CSMD3: variants seen among roughly 807,000 people sequenced by gnomAD.
The protein encoded by CSMD3 is CUB and Sushi multiple domains 3, also known as CUB and sushi domain-containing protein 3.
CSMD3 carries 177 observed loss-of-function variants against 435.2 expected under a neutral mutation model. That is an observed-to-expected ratio of 0.41 (90% CI 0.36 to 0.46). CSMD3 has a LOEUF of 0.46. Among genes scored for constraint, CSMD3 ranks in the 20% least tolerant of loss-of-function variants. CSMD3 has a pLI of 0.34. For missense variants in CSMD3, 4,265 were observed against 4,504.6 expected (o/e 0.95, Z 1.52); for synonymous variants, 1,656 against 1,520.5 (o/e 1.09, Z -2.07).
intron 6 of CSMD3, among the ~76,000 whole-genome samples, chr8:112,983,387 C>G (rs113783550): frequency 0.064 from 9,627 of 151,114 alleles, 326 homozygotes; most frequent in African/African-American, 0.072. Flanking sequence ...TATACATAAG[C>G]CTGCTTTTAT....
At chr8:112,976,254 A>G in intron 6 of CSMD3, 106 bp from the exon 7 acceptor site, 1 of 1,328,392 alleles carries the variant, frequency 7.5e-7, no homozygotes, top group Non-Finnish European at 1.0e-6. Flanking sequence ...CTTAAGGATA[A>G]TCAACATGAA....
intron 3 of CSMD3, among the ~76,000 whole-genome samples, chr8:113,210,571 G>A (rs2132075145): frequency 6.6e-6 from 1 of 151,728 alleles, no homozygotes; most frequent in African/African-American, 2.4e-5. Context: ...ACTCTATATA[G>A]GAGAAAATTG....
At chr8:112,449,325 G>A (rs540924488) in intron 32 of CSMD3, among the ~76,000 whole-genome samples, 16 of 152,172 alleles carry the variant, frequency 1.1e-4, no homozygotes, top group African/African-American at 2.4e-4. Context: ...AGCAACCCTC[G>A]CTCTTCTAAT....
chr8:112,453,347 C>T (rs552059504), intron 32 of CSMD3, among the ~76,000 whole-genome samples: 1 of 152,152 alleles, frequency 6.6e-6, no homozygotes, highest in Admixed American at 6.5e-5. Context: ...ATAATATGAT[C>T]ATACACCTAC....
At chr8:113,231,805 T>G (rs2093091035) in intron 3 of CSMD3, among the ~76,000 whole-genome samples, 1 of 151,476 alleles carries the variant, frequency 6.6e-6, no homozygotes, top group Admixed American at 6.6e-5. Context: ...AGGAGTGATA[T>G]TAGAACAACT....
intron 1 of CSMD3, among the ~76,000 whole-genome samples, chr8:113,348,492 T>C (rs930090162): frequency 1.3e-5 from 2 of 152,014 alleles, no homozygotes; most frequent in African/African-American, 4.8e-5. Flanking sequence ...CTCTCTTTAC[T>C]AGGAAACCCA....
At chr8:113,134,223 A>G (rs959189568) in intron 4 of CSMD3, among the ~76,000 whole-genome samples, 1 of 152,042 alleles carries the variant, frequency 6.6e-6, no homozygotes, top group African/African-American at 2.4e-5. Context: ...TCTTTCCAGC[A>G]TTTTGTCACT....
intron 5 of CSMD3, among the ~76,000 whole-genome samples, chr8:113,091,710 G>T (rs2090008557): frequency 9.5e-6 from 1 of 105,558 alleles, no homozygotes; most frequent in African/African-American, 4.6e-5. Context: ...TGCCAATTTT[G>T]TTTAATCTTT....
At chr8:112,967,757 C>G (rs1259053752) in intron 7 of CSMD3, among the ~76,000 whole-genome samples, 1 of 151,404 alleles carries the variant, frequency 6.6e-6, no homozygotes, top group African/African-American at 2.4e-5. Flanking sequence ...AAAGCAGGGT[C>G]TACTAAGTTT....
At chr8:113,361,527 A>T (rs1242875692) in intron 1 of CSMD3, among the ~76,000 whole-genome samples, 1 of 152,102 alleles carries the variant, frequency 6.6e-6, no homozygotes, top group African/African-American at 2.4e-5. Context: ...TGACATATAA[A>T]ACTCACTTCA....
At chr8:113,181,697 C>T (rs2092423934) in intron 3 of CSMD3, among the ~76,000 whole-genome samples, 1 of 151,980 alleles carries the variant, frequency 6.6e-6, no homozygotes, top group Non-Finnish European at 1.5e-5. Context: ...TCGAAGCTAA[C>T]TCTGTTGTAC....
chr8:112,295,804 C>G (rs781096949), intron 54 of CSMD3, 29 bp downstream of exon 54: 2 of 1,604,346 alleles, frequency 1.2e-6, no homozygotes, highest in Non-Finnish European at 1.7e-6. Context: ...GATCAGAGGT[C>G]TCTAATTGCT....
intron 32 of CSMD3, among the ~76,000 whole-genome samples, chr8:112,424,292 T>C (rs1302047541): frequency 1.3e-5 from 2 of 152,200 alleles, no homozygotes; most frequent in African/African-American, 4.8e-5. Context: ...GGTTCCTAGT[T>C]ACCATACCAA....
chr8:112,383,407 TATC>T (rs1342857200), intron 37 of CSMD3, among the ~76,000 whole-genome samples, 157 bp downstream of exon 37: 1 of 152,200 alleles, frequency 6.6e-6, no homozygotes, highest in Non-Finnish European at 1.5e-5. Context: ...TCAATATTGA[TATC>T]ATCTTTAAAT....
chr8:112,880,392 T>C (rs1047242899), intron 10 of CSMD3, among the ~76,000 whole-genome samples: 3 of 152,006 alleles, frequency 2.0e-5, no homozygotes, highest in Admixed American at 1.3e-4. Flanking sequence ...TAATAGCCTA[T>C]AAGTACTAAG....
At chr8:112,355,637 T>C (rs944445078) in intron 38 of CSMD3, among the ~76,000 whole-genome samples, 1 of 151,894 alleles carries the variant, frequency 6.6e-6, no homozygotes, top group African/African-American at 2.4e-5. Flanking sequence ...ATTGAGACCA[T>C]CCTGGCTAAC....
intron 32 of CSMD3, among the ~76,000 whole-genome samples, chr8:112,465,403 G>A (rs1378151574): frequency 2.6e-5 from 4 of 152,022 alleles, no homozygotes; most frequent in African/African-American, 9.7e-5. Flanking sequence ...AGAATACTGT[G>A]GCCCACAGCC....
At chr8:112,636,206 C>T (rs990832674) in intron 22 of CSMD3, among the ~76,000 whole-genome samples, 5 of 152,112 alleles carry the variant, frequency 3.3e-5, no homozygotes, top group Non-Finnish European at 5.9e-5. Context: ...GGTGACTTCA[C>T]GCTTCCAACA....
At chr8:112,509,643 G>A (rs762145431) in intron 28 of CSMD3, among the ~76,000 whole-genome samples, 1 of 151,826 alleles carries the variant, frequency 6.6e-6, no homozygotes, top group Non-Finnish European at 1.5e-5. Context: ...GTGTTTCTGG[G>A]GTTTTCTTCT....
Sources: gnomAD v4.1 joint callset for allele counts (sites outside exome capture counted in the v4.1 genomes callset) on GRCh38, gnomAD v4.1.1 for gene constraint, MANE v1.5 for transcripts, NCBI Gene and HGNC (gene_info 2026-07-23, HGNC 2026-07-21) for gene names.